Variants in LILRB3 observed in about 807,000 individuals in gnomAD.
The protein encoded by LILRB3 is leukocyte immunoglobulin-like receptor subfamily B member 3.
In LILRB3, 32 loss-of-function variants were observed where a neutral mutation model predicts 68.2. The observed-to-expected ratio is 0.47, with a 90% CI of 0.35 to 0.63. The LOEUF (loss-of-function observed/expected upper bound fraction) is 0.63. LILRB3 is among the 30% of genes least tolerant of loss of function. The pLI, the probability that LILRB3 is intolerant of heterozygous loss-of-function variation, is 0.00. For missense variants in LILRB3, 502 were observed against 791.3 expected (o/e 0.63, Z 4.39); for synonymous variants, 185 against 323.1 (o/e 0.57, Z 4.58).
exon 6 of LILRB3, chr19:54,220,747 A>T (rs1199677776): frequency 6.6e-7 from 1 of 1,523,884 alleles, no homozygotes; most frequent in Non-Finnish European, 8.8e-7. Flanking sequence ...TACCCCCGTG[A>T]CTGACACAGC....
At chr19:54,219,849 A>T in intron 7 of LILRB3, 2 of 1,543,844 alleles carry the variant, frequency 1.3e-6, no homozygotes, top group Non-Finnish European at 1.8e-6. Context: ...CCCATCTCCC[A>T]CTCAGAGCCC....
chr19:54,218,619 C>G, intron 10 of LILRB3, 26 bp downstream of exon 10: 1 of 1,614,180 alleles, frequency 6.2e-7, no homozygotes, highest in African/African-American at 1.3e-5. Flanking sequence ...TCCAGCACCC[C>G]CATTTGTCCC....
exon 13 of LILRB3, chr19:54,216,694 T>G: frequency 4.7e-6 from 5 of 1,066,366 alleles, no homozygotes; most frequent in Non-Finnish European, 5.7e-6. Context: ...TCACTGTTTT[T>G]TTTTTTAGAG....
chr19:54,218,662 A>G (rs369250436), exon 10 of LILRB3: 12 of 1,613,934 alleles, frequency 7.4e-6, no homozygotes, highest in Non-Finnish European at 9.3e-6. Flanking sequence ...TTCTTCCTGG[A>G]CGTCAGCAGC....
chr19:54,216,859 T>G (rs1289326629), exon 13 of LILRB3: 1 of 1,417,078 alleles, frequency 7.1e-7, no homozygotes, highest in African/African-American at 1.4e-5. Context: ...TGTTTTTTGT[T>G]TTTTTGTTAT....
At chr19:54,217,382 C>T (rs755490243) in exon 12 of LILRB3, 1 of 1,594,042 alleles carries the variant, frequency 6.3e-7, no homozygotes, top group Non-Finnish European at 8.5e-7. Context: ...ATTCCCCAGA[C>T]AGTGAGGAGG....
rs1374737415 is a variant in LILRB3 at position 54,219,883 on chromosome 19, G to C, written c.1309+272C>G. ...CCCTCACTCACCATTCTGAGGGCCT[G>C]ACCCTGGGGGGTTAAGGGGCTGGTC... On this transcript the variant is annotated intron_variant, in intron 7 of 12. Coordinates refer to ENST00000445347, the Ensembl canonical transcript of LILRB3. 2 of 1,549,200 alleles carry C rather than the reference G, an allele frequency of 1.3e-6. No individual in the cohort carries two copies. Among genetic ancestry groups the C allele is most frequent in the Non-Finnish European group, 8.7e-7 (1 of 1,145,430 alleles).
intron 6 of LILRB3, 31 bp from the exon 7 acceptor site, chr19:54,220,236 C>T (rs1375408542): frequency 3.0e-5 from 40 of 1,334,188 alleles, no homozygotes; most frequent in South Asian, 1.5e-4. Flanking sequence ...GGGTGAGGGG[C>T]GGGGGCCGTC....
At chr19:54,219,670 G>A in intron 7 of LILRB3, 2 of 1,482,340 alleles carry the variant, frequency 1.3e-6, no homozygotes, top group Non-Finnish European at 1.8e-6. Flanking sequence ...CCTCTCCCAG[G>A]AGGTCACAGC....
exon 13 of LILRB3, chr19:54,217,070 G>A (rs2077525619): frequency 6.2e-7 from 1 of 1,614,164 alleles, no homozygotes. Context: ...TCTGCTGAGT[G>A]TGGGGTCTGC....
At chr19:54,219,450 G>A in intron 7 of LILRB3, 1 of 1,534,996 alleles carries the variant, frequency 6.5e-7, no homozygotes, top group East Asian at 2.4e-5. Flanking sequence ...CTCCAGCGAG[G>A]AAGCGGCAGA....
chr19:54,218,628 C>G lies in LILRB3; in HGVS notation c.1540+17G>C. ...TGTCTCTCCAGCACCCCCATTTGTC[C>G]CCTCTCTTCCTCTTACAGAGGTTTT... On this transcript the variant is annotated intron_variant, in intron 10 of 12. Transcript: ENST00000445347. The G allele has an allele frequency of 6.2e-7, 1 of 1,614,152 alleles. No individual in the cohort carries two copies. The highest frequency in any genetic ancestry group is 8.5e-7 in the Non-Finnish European group (1 of 1,180,032).
At chr19:54,222,127 A>G (rs1410114491) in exon 4 of LILRB3, 25,869 of 1,520,308 alleles carry the variant, frequency 0.017, 2,099 homozygotes, top group African/African-American at 0.14. Context: ...TTTGTTGTAG[A>G]ATCCTAGGAG....
intron 7 of LILRB3, 174 bp from the exon 8 acceptor site, chr19:54,219,419 A>T (rs1414431439): frequency 2.7e-6 from 4 of 1,487,496 alleles, no homozygotes; most frequent in Non-Finnish European, 3.7e-6. Context: ...GGCTCAGAGC[A>T]GGGAGTCGCC....
rs955054201 is a variant in LILRB3, at chr19:54,218,759, T to A, written c.1502+4A>T. ...GGAGTCTGTGGTCTTTGGGGCAGAATTACCTCCTCAGCAGGCCCCTGTCCT... is the reference window on the plus strand; with the variant it reads ...GGAGTCTGTGGTCTTTGGGGCAGAAATACCTCCTCAGCAGGCCCCTGTCCT... On this transcript the variant is annotated splice_donor_region_variant and intron_variant, in intron 9 of 12. Transcript: ENST00000445347. 5 of 1,614,022 alleles carry A rather than the reference T, an allele frequency of 3.1e-6. No homozygotes were observed. Among genetic ancestry groups the A allele is most frequent in the Non-Finnish European group, 4.2e-6 (5 of 1,180,000 alleles).
At chr19:54,217,898 G>A (rs972499004) in intron 11 of LILRB3, among the ~76,000 whole-genome samples, 3 of 151,886 alleles carry the variant, frequency 2.0e-5, no homozygotes, top group Non-Finnish European at 2.9e-5. Flanking sequence ...CTTACAGCAC[G>A]TTGCACTCCT....
Position 54,222,611 on chromosome 19 carries a change from C to G in LILRB3, c.71-49G>C, listed in dbSNP as rs767816909. ...TCCCAAGACATCCCCACGCTCAGATCCCAGCTCCCAGCCCCAGGACTTCCC... is the reference window on the plus strand; with the variant it reads ...TCCCAAGACATCCCCACGCTCAGATGCCAGCTCCCAGCCCCAGGACTTCCC... On this transcript the variant is annotated intron_variant, in intron 2 of 12. Transcript: ENST00000445347. The G allele has an allele frequency of 8.1e-6, 13 of 1,611,042 alleles. No individual in the cohort carries two copies. The African/African-American group carries it at 1.1e-4, about 14-fold the overall frequency.
chr19:54,221,030 G>T, intron 5 of LILRB3, 53 bp downstream of exon 5: 1 of 1,142,776 alleles, frequency 8.8e-7, no homozygotes. Context: ...GGGCTCCCCC[G>T]GCAGGGCCTG....
intron 11 of LILRB3, 66 bp from the exon 12 acceptor site, chr19:54,217,540 CT>C: frequency 6.5e-7 from 1 of 1,541,944 alleles, no homozygotes; most frequent in Non-Finnish European, 8.8e-7. Flanking sequence ...GTCAATTTTC[CT>C]CACTGTTCCC....
Sources: allele counts gnomAD v4.1 joint callset (sites outside exome capture counted in the v4.1 genomes callset), GRCh38; gene constraint gnomAD v4.1.1; transcripts MANE v1.5; gene names NCBI Gene and HGNC (gene_info 2026-07-23, HGNC 2026-07-21).